The following TASOR2 variants were observed in gnomAD, a reference collection of about 807,000 sequenced individuals.
TASOR2 encodes protein TASOR 2.
Under a neutral mutation model 199.5 loss-of-function variants are expected in TASOR2, and 84 were observed. The ratio of observed to expected loss-of-function variants is 0.42; its 90% CI spans 0.35 to 0.50. TASOR2 has a LOEUF of 0.50. TASOR2 is among the 20% of genes least tolerant of loss of function. TASOR2 has a pLI of 0.02. For missense variants in TASOR2, 2,796 were observed against 2,835.9 expected (o/e 0.99, Z 0.32); for synonymous variants, 1,103 against 1,046.6 (o/e 1.05, Z -1.04).
At chr10:5,707,159 A>G (rs1460058147) in intron 1 of TASOR2, among the ~76,000 whole-genome samples, 1 of 152,224 alleles carries the variant, frequency 6.6e-6, no homozygotes, top group Non-Finnish European at 1.5e-5. Flanking sequence ...ACCATGCCTC[A>G]TGCACAGCAA....
chr10:5,753,583 A>G (rs112411194), intron 15 of TASOR2, among the ~76,000 whole-genome samples: 6 of 152,230 alleles, frequency 3.9e-5, no homozygotes, highest in Admixed American at 1.3e-4. Flanking sequence ...GATGGTCTCA[A>G]TCTCCTGACC....
intron 18 of TASOR2, among the ~76,000 whole-genome samples, chr10:5,760,307 A>C (rs1839612580): frequency 6.6e-6 from 1 of 152,208 alleles, no homozygotes; most frequent in African/African-American, 2.4e-5. Context: ...AAACATCATT[A>C]TGTGGTACAT....
chr10:5,686,285 T>C (rs1475451229), intron 1 of TASOR2, among the ~76,000 whole-genome samples: 3 of 152,218 alleles, frequency 2.0e-5, no homozygotes, highest in African/African-American at 7.2e-5. Flanking sequence ...TATAAGCATC[T>C]CCTGTGGTCC....
chr10:5,758,603 C>T (rs1055822866), intron 17 of TASOR2, among the ~76,000 whole-genome samples: 1 of 152,212 alleles, frequency 6.6e-6, no homozygotes, highest in Non-Finnish European at 1.5e-5. Context: ...TGCTTCTCTT[C>T]TGTCACACAA....
At chr10:5,760,459 T>C (rs989816347) in intron 18 of TASOR2, among the ~76,000 whole-genome samples, 7 of 152,204 alleles carry the variant, frequency 4.6e-5, no homozygotes, top group African/African-American at 1.7e-4. Context: ...TTACCCAAAA[T>C]TCTAGGTGGT....
chr10:5,717,351 C>T (rs996346072), intron 2 of TASOR2, among the ~76,000 whole-genome samples: 6 of 152,154 alleles, frequency 3.9e-5, no homozygotes, highest in African/African-American at 1.4e-4. Flanking sequence ...GACCCAGGCC[C>T]ACCCTCCCTA....
At chr10:5,761,952 T>A (rs1178963067) in intron 19 of TASOR2, among the ~76,000 whole-genome samples, 1 of 151,978 alleles carries the variant, frequency 6.6e-6, no homozygotes, top group Non-Finnish European at 1.5e-5. Flanking sequence ...GAGAATGGCT[T>A]GAACCCCGGA....
chr10:5,707,321 T>C (rs1214695217), intron 1 of TASOR2, among the ~76,000 whole-genome samples: 1 of 152,188 alleles, frequency 6.6e-6, no homozygotes, highest in Non-Finnish European at 1.5e-5. Flanking sequence ...ATAAGGAACA[T>C]TTATTATTTC....
At chr10:5,749,509 C>T (rs1460583948) in exon 15 of TASOR2, 1 of 1,614,078 alleles carries the variant, frequency 6.2e-7, no homozygotes, top group Non-Finnish European at 8.5e-7. Context: ...CCCATTTCTG[C>T]ATCCTGCACC....
chr10:5,735,632 G>A (rs1277157341), intron 12 of TASOR2, 86 bp downstream of exon 13: 1 of 1,478,426 alleles, frequency 6.8e-7, no homozygotes, highest in East Asian at 2.3e-5. Context: ...TAGTGTAAGA[G>A]CAGTTGCAAT....
intron 1 of TASOR2, among the ~76,000 whole-genome samples, chr10:5,688,744 T>G (rs1367821021): frequency 3.3e-5 from 5 of 151,970 alleles, no homozygotes; most frequent in Non-Finnish European, 7.4e-5. Context: ...CGTGGGCTCA[T>G]GCGTGTGATG....
At chr10:5,756,473 G>T in intron 15 of TASOR2, 140 bp from the exon 17 acceptor site, 1 of 644,150 alleles carries the variant, frequency 1.6e-6, no homozygotes, top group African/African-American at 1.9e-5. Flanking sequence ...TATATAAAAG[G>T]TGCTTATTTA....
At position 5,685,043 on chromosome 10, in the gene TASOR2, G is replaced by A; in HGVS notation, c.-420G>A. 2 of 397,918 alleles carry A rather than the reference G, an allele frequency of 5.0e-6. No homozygotes were observed. The highest frequency in any genetic ancestry group is 8.9e-6 in the Non-Finnish European group (2 of 225,530). 24.6% of individuals were successfully genotyped at this position (397,918 alleles called of 1,614,324 possible). A position where few individuals can be genotyped will look rare whatever the true frequency, so the allele number is the denominator to read the frequency against. On this transcript the variant is annotated 5_prime_UTR_variant, in exon 1 of 21. Transcript: ENST00000328090. The surrounding 1 kb of genome is among the most constrained non-coding windows in gnomAD (Gnocchi z 5.4). ...GGGGTCCCCGCGGGAGCGCGGAGCC[G>A]GCGACTGGTGCTTCCCACGTGCGCC...
At position 5,727,057 on chromosome 10, in the gene TASOR2, A is replaced by G. The variant is rs757417170; in HGVS notation, c.425-4A>G. ...TTTCTTCTTCTGATTCTCATTCTGC[A>G]TAGATTTTGGAGGCAAGCAGATGGG... On this transcript the variant is annotated splice_region_variant and splice_polypyrimidine_tract_variant and intron_variant, in intron 9 of 20. Coordinates refer to ENST00000328090, the Ensembl canonical transcript of TASOR2. The G allele has an allele frequency of 6.2e-6, 10 of 1,613,944 alleles. No homozygotes were observed. Among genetic ancestry groups the G allele is most frequent in the East Asian group, 2.2e-5 (1 of 44,884 alleles).
exon 11 of TASOR2, chr10:5,731,149 T>C (rs1834759997): frequency 3.1e-6 from 5 of 1,610,530 alleles, no homozygotes; most frequent in Non-Finnish European, 4.2e-6. Context: ...CAGCTCGGAC[T>C]CTCCAACAAC....
In TASOR2 at chr10:5,690,521, T is replaced by G. The variant is rs1431213572; in HGVS notation, c.-288+5346T>G. Among the ~76,000 whole-genome samples the G allele has an allele frequency of 6.6e-6, 1 of 152,176 alleles. No homozygotes were observed. The highest frequency in any genetic ancestry group is 1.5e-5 in the Non-Finnish European group (1 of 68,032). On this transcript the variant is annotated intron_variant, in intron 1 of 20. Coordinates refer to ENST00000328090, the Ensembl canonical transcript of TASOR2. The surrounding 1 kb of genome is among the most constrained non-coding windows in gnomAD (Gnocchi z 4.8). ...CCCCTATTTATCTGTGCCCAGGACATTTTGCGTGGGCTACGTGTAGAGGTG... is the reference window on the plus strand; with the variant it reads ...CCCCTATTTATCTGTGCCCAGGACAGTTTGCGTGGGCTACGTGTAGAGGTG...
chr10:5,721,588 C>G (rs1264615260), intron 6 of TASOR2, among the ~76,000 whole-genome samples: 1 of 151,698 alleles, frequency 6.6e-6, no homozygotes, highest in Non-Finnish European at 1.5e-5. Context: ...GTATAATAAC[C>G]CACAACATAA....
At chr10:5,736,461 C>G (rs932000571) in intron 12 of TASOR2, among the ~76,000 whole-genome samples, 5 of 151,750 alleles carry the variant, frequency 3.3e-5, no homozygotes, top group African/African-American at 1.2e-4. Flanking sequence ...ACCATGTTGC[C>G]TAGGCTGGTC....
At chr10:5,702,484 C>G (rs1837990642) in intron 1 of TASOR2, among the ~76,000 whole-genome samples, 2 of 151,984 alleles carry the variant, frequency 1.3e-5, no homozygotes, top group Admixed American at 6.6e-5. Context: ...AATATTTCCT[C>G]CTCTTCAATT....
Sources: gnomAD v4.1 joint callset for allele counts (sites outside exome capture counted in the v4.1 genomes callset) on GRCh38, gnomAD v4.1.1 for gene constraint, Gnocchi (gnomAD v3.1) non-coding constraint, MANE v1.5 for transcripts, NCBI Gene and HGNC (gene_info 2026-07-23, HGNC 2026-07-21) for gene names.